WDR70: variants seen among roughly 807,000 people sequenced by gnomAD.
The protein encoded by WDR70 is WD repeat-containing protein 70.
In WDR70, 53 loss-of-function variants were observed where a neutral mutation model predicts 88.6. The observed-to-expected ratio is 0.60, with a 90% CI of 0.48 to 0.75. The LOEUF (loss-of-function observed/expected upper bound fraction) is 0.75, where lower values mean the gene tolerates loss of function less well. Among genes scored for constraint, WDR70 ranks in the 30% least tolerant of loss-of-function variants. WDR70 has a pLI of 0.00. For missense variants in WDR70, 610 were observed against 823.2 expected (o/e 0.74, Z 3.17); for synonymous variants, 280 against 270.0 (o/e 1.04, Z -0.36).
chr5:37,536,887 C>G (rs527618744), intron 9 of WDR70, among the ~76,000 whole-genome samples: 10 of 151,422 alleles, frequency 6.6e-5, no homozygotes, highest in Non-Finnish European at 1.0e-4. Context: ...TTTGTAATAC[C>G]TTTATTGGAC....
intron 9 of WDR70, among the ~76,000 whole-genome samples, chr5:37,603,801 A>G (rs1251926805): frequency 6.6e-6 from 1 of 152,102 alleles, no homozygotes; most frequent in Non-Finnish European, 1.5e-5. Flanking sequence ...ATTATTATGT[A>G]TTGATTATAA....
chr5:37,404,800 G>T (rs1164180765), intron 5 of WDR70, among the ~76,000 whole-genome samples: 1 of 152,058 alleles, frequency 6.6e-6, no homozygotes, highest in Non-Finnish European at 1.5e-5. Context: ...CAGGAGCCTT[G>T]AAAATGTTCA....
intron 9 of WDR70, among the ~76,000 whole-genome samples, chr5:37,574,350 G>T (rs1280752421): frequency 6.6e-6 from 1 of 152,170 alleles, no homozygotes; most frequent in Non-Finnish European, 1.5e-5. Context: ...ATGGCAAGTT[G>T]TTTCTTGAAA....
chr5:37,517,314 T>A (rs1031334544), intron 9 of WDR70, among the ~76,000 whole-genome samples: 1 of 152,180 alleles, frequency 6.6e-6, no homozygotes, highest in Admixed American at 6.5e-5. Context: ...GTATGTCAGT[T>A]CATACATACC....
chr5:37,416,545 T>C (rs1376537274), intron 5 of WDR70, among the ~76,000 whole-genome samples: 6 of 141,788 alleles, frequency 4.2e-5, no homozygotes, highest in African/African-American at 1.6e-4. Context: ...AGGGAGATCG[T>C]GGGGAGAGGG....
intron 7 of WDR70, among the ~76,000 whole-genome samples, chr5:37,460,811 T>C (rs189884612): frequency 1.3e-3 from 203 of 152,056 alleles, no homozygotes; most frequent in African/African-American, 4.7e-3. Context: ...GAAGACATGA[T>C]ATCTGAAGCT....
At chr5:37,548,883 A>G (rs1033021624) in intron 9 of WDR70, among the ~76,000 whole-genome samples, 6 of 152,168 alleles carry the variant, frequency 3.9e-5, no homozygotes, top group African/African-American at 1.4e-4. Flanking sequence ...TTCCCAGTCC[A>G]TTTATTGAAG....
At chr5:37,569,037 T>C (rs1742824946) in intron 9 of WDR70, among the ~76,000 whole-genome samples, 1 of 152,086 alleles carries the variant, frequency 6.6e-6, no homozygotes, top group African/African-American at 2.4e-5. Flanking sequence ...AATATATACA[T>C]GAGGGAGGCC....
chr5:37,628,698 T>C (rs1442700701), intron 10 of WDR70, among the ~76,000 whole-genome samples: 1 of 152,214 alleles, frequency 6.6e-6, no homozygotes, highest in Non-Finnish European at 1.5e-5. Context: ...ACATTCAAGA[T>C]TATTGATAGG....
At chr5:37,510,808 G>A (rs934339266) in intron 8 of WDR70, among the ~76,000 whole-genome samples, 3 of 151,992 alleles carry the variant, frequency 2.0e-5, no homozygotes, top group African/African-American at 7.3e-5. Context: ...ATTTTTCCTT[G>A]ACATTTTTTG....
chr5:37,392,036 A>G lies in WDR70; in HGVS notation c.212A>G (p.Lys71Arg). ...REKEEEMNRE[K>R]ELRRQNEDIE... is the part of the protein sequence containing the mutation. ...AAAGAGGAAGAAATGAACAGAGAGA[A>G]AGAATTAAGAAGACAAAATGAAGAT... is the stretch of plus-strand genomic sequence containing the variant. The change falls in exon 4 of 18, where the codon AAA becomes AGA. Residue 71 changes from lysine to arginine, a missense_variant. Around this residue, in one of 4 missense-constraint regions of WDR70, gnomAD observed 203 missense variants for 228.1 expected, o/e 0.89. Coordinates refer to ENST00000265107, the MANE Select transcript of WDR70 (RefSeq NM_018034.4). 1 of 1,611,978 alleles carries G rather than the reference A, an allele frequency of 6.2e-7. No homozygotes were observed. Among genetic ancestry groups the G allele is most frequent in the Non-Finnish European group, 8.5e-7 (1 of 1,179,400 alleles).
chr5:37,394,485 C>A (rs1748948341), intron 4 of WDR70, among the ~76,000 whole-genome samples: 2 of 152,094 alleles, frequency 1.3e-5, no homozygotes, highest in Non-Finnish European at 2.9e-5. Flanking sequence ...CAGTTGAGAC[C>A]TTTGTTCTCA....
intron 9 of WDR70, among the ~76,000 whole-genome samples, chr5:37,539,376 C>T (rs1416394961): frequency 1.3e-5 from 2 of 152,062 alleles, no homozygotes; most frequent in Non-Finnish European, 2.9e-5. Context: ...TGACTGGTAT[C>T]CTTATAAGAA....
chr5:37,575,437 A>AC (rs1372771898), intron 9 of WDR70, among the ~76,000 whole-genome samples: 12 of 152,192 alleles, frequency 7.9e-5, no homozygotes, highest in Admixed American at 7.9e-4. Context: ...CACCAGAAAA[A>AC]CCAAGCCATG....
chr5:37,498,050 G>A (rs1356414420), intron 8 of WDR70, among the ~76,000 whole-genome samples: 1 of 152,090 alleles, frequency 6.6e-6, no homozygotes, highest in African/African-American at 2.4e-5. Flanking sequence ...TTGAACTCGT[G>A]GTCTCCAGTG....
chr5:37,676,814 C>T (rs534646592), intron 10 of WDR70, among the ~76,000 whole-genome samples: 7 of 152,038 alleles, frequency 4.6e-5, no homozygotes, highest in African/African-American at 1.2e-4. Context: ...GAATGGTACC[C>T]GTTCCTCCTT....
intron 4 of WDR70, among the ~76,000 whole-genome samples, chr5:37,393,767 G>A (rs1358743595): frequency 6.6e-6 from 1 of 151,852 alleles, no homozygotes; most frequent in Non-Finnish European, 1.5e-5. Flanking sequence ...TGCAACCTTC[G>A]CCTCCCAGAC....
chr5:37,607,129 G>A (rs747506710), intron 10 of WDR70, among the ~76,000 whole-genome samples: 29 of 151,570 alleles, frequency 1.9e-4, no homozygotes, highest in Non-Finnish European at 4.0e-4. Context: ...TTTTGGTAGA[G>A]ACGGGGTTCC....
At chr5:37,403,510 C>G (rs926206263) in intron 5 of WDR70, among the ~76,000 whole-genome samples, 2 of 152,120 alleles carry the variant, frequency 1.3e-5, no homozygotes, top group Admixed American at 1.3e-4. Flanking sequence ...ACCACCACAG[C>G]AGGGCAGGAC....
Sources: allele counts gnomAD v4.1 joint callset (sites outside exome capture counted in the v4.1 genomes callset), GRCh38; gene constraint gnomAD v4.1.1; regional missense constraint gnomAD v4.1.1; transcripts MANE v1.5; gene names NCBI Gene and HGNC (gene_info 2026-07-23, HGNC 2026-07-21).